The following TENT4B variants were observed in gnomAD, a reference collection of about 807,000 sequenced individuals.
TENT4B encodes the protein PAP associated domain containing 5.
Under a neutral mutation model 75.0 loss-of-function variants are expected in TENT4B, and 10 were observed. The observed-to-expected ratio is 0.13, with a 90% CI of 0.08 to 0.23. The LOEUF is 0.23. Ranked by LOEUF, TENT4B falls within the 10% of genes least tolerant of loss-of-function variation. The pLI, the probability that TENT4B is intolerant of heterozygous loss-of-function variation, is 1.00. For missense variants in TENT4B, 579 were observed against 893.8 expected (o/e 0.65, Z 4.49); for synonymous variants, 350 against 357.7 (o/e 0.98, Z 0.24).
chr16:50,214,164 A>G, intron 2 of TENT4B, 57 bp from the exon 3 acceptor site: 1 of 1,329,526 alleles, frequency 7.5e-7, no homozygotes, highest in Non-Finnish European at 1.1e-6. Flanking sequence ...TTGGTGACTC[A>G]ATATGATAAC....
At chr16:50,189,505 A>G (rs2038598876) in intron 1 of TENT4B, among the ~76,000 whole-genome samples, 1 of 152,186 alleles carries the variant, frequency 6.6e-6, no homozygotes, top group Non-Finnish European at 1.5e-5. Context: ...GCAAATGACT[A>G]AAACATGAAC....
chr16:50,214,373 G>T, intron 3 of TENT4B, 106 bp downstream of exon 3: 1 of 877,950 alleles, frequency 1.1e-6, no homozygotes. Flanking sequence ...AAACAAAATG[G>T]GGCTGGGCAT....
intron 10 of TENT4B, among the ~76,000 whole-genome samples, chr16:50,226,649 C>T (rs976101953): frequency 6.6e-6 from 1 of 152,082 alleles, no homozygotes; most frequent in Non-Finnish European, 1.5e-5. Flanking sequence ...ATCGCCTGAC[C>T]TCATGATCCG....
chr16:50,214,341 G>A lies in TENT4B; in HGVS notation c.809+74G>A, dbSNP rs563385129. The A allele has an allele frequency of 1.8e-5, 22 of 1,232,668 alleles. No individual in the cohort carries two copies. The South Asian group carries it at 2.8e-4, about 16-fold the overall frequency. 76.4% of individuals were successfully genotyped at this position (1,232,668 alleles called of 1,614,324 possible). On this transcript the variant is annotated intron_variant, in intron 3 of 11. Transcript: ENST00000561678. The stretch of plus-strand genomic sequence containing the variant: ...ATTTTGGCTGTCAAATTTGTAAGGA[G>A]TAGAAACAAAACAAATTTATAAAAC...
At position 50,233,463 on chromosome 16, in the gene TENT4B, G is replaced by C; in HGVS notation, c.*4135G>C. On this transcript the variant is annotated 3_prime_UTR_variant, in exon 12 of 12. Transcript: ENST00000561678. Reference sequence around the variant, plus strand: ...TGGAAGCCTTTTTCTCAGTCATCTTGTTCTAAGCCATCTTGACTTCACACC... The same window carrying C: ...TGGAAGCCTTTTTCTCAGTCATCTTCTTCTAAGCCATCTTGACTTCACACC... The C allele has an allele frequency of 2.6e-5, 26 of 984,802 alleles. No homozygotes were observed. The highest frequency in any genetic ancestry group is 3.1e-5 in the Non-Finnish European group (26 of 829,814). 61.0% of individuals were successfully genotyped at this position (984,802 alleles called of 1,614,324 possible).
intron 3 of TENT4B, 124 bp from the exon 4 acceptor site, chr16:50,215,951 A>G (rs950125212): frequency 1.8e-6 from 2 of 1,140,430 alleles, no homozygotes; most frequent in Non-Finnish European, 2.5e-6. Flanking sequence ...CAACACATTT[A>G]GTCTTCGTTG....
chr16:50,205,518 C>T (rs1362223673), intron 1 of TENT4B, among the ~76,000 whole-genome samples: 2 of 137,618 alleles, frequency 1.5e-5, no homozygotes, highest in African/African-American at 2.7e-5. Flanking sequence ...CAAATAGGAA[C>T]ATTTTGTGTG....
At chr16:50,162,492 T>C (rs776312911) in intron 1 of TENT4B, among the ~76,000 whole-genome samples, 7 of 152,214 alleles carry the variant, frequency 4.6e-5, no homozygotes, top group Non-Finnish European at 1.0e-4. Flanking sequence ...ACTTTTTTAT[T>C]TGAGCGGTTC....
At chr16:50,226,123 CTGAG>C (rs944751214) in intron 10 of TENT4B, among the ~76,000 whole-genome samples, 1 of 152,016 alleles carries the variant, frequency 6.6e-6, no homozygotes, top group Non-Finnish European at 1.5e-5. Context: ...CCTCAGCCTC[CTGAG>C]TATCTAGGAT....
chr16:50,176,494 C>CTT (rs34067223), intron 1 of TENT4B, among the ~76,000 whole-genome samples: 17 of 53,088 alleles, frequency 3.2e-4, no homozygotes, highest in East Asian at 7.4e-4. Context: ...ACCAATAATT[C>CTT]TTTTTTTTTT....
At position 50,182,347 on chromosome 16, in the gene TENT4B, A is replaced by G. The variant is rs1213499445; in HGVS notation, c.638+28088A>G. The stretch of plus-strand genomic sequence containing the variant: ...GTGCTTCATGTCAGTGTTAGAAACT[A>G]TAGGTTGTATATTTATTAATTTTTC... On this transcript the variant is annotated intron_variant, in intron 1 of 11. Transcript: ENST00000561678. Among the ~76,000 whole-genome samples the G allele has an allele frequency of 3.3e-5, 5 of 152,340 alleles. No homozygotes were observed. In the East Asian group the frequency reaches 5.8e-4, roughly 18 times the overall value.
chr16:50,216,114 A>G lies in TENT4B; in HGVS notation c.849A>G (p.Leu283=). The G allele has an allele frequency of 6.2e-7, 1 of 1,613,906 alleles. No individual in the cohort carries two copies. Among genetic ancestry groups the G allele is most frequent in the Non-Finnish European group, 8.5e-7 (1 of 1,179,846 alleles). Reference sequence around the variant, plus strand: ...TGGTGTTTGGGAAGTGGGAGAACCTACCCCTCTGGACTCTGGAAGAAGCTC... The same window carrying G: ...TGGTGTTTGGGAAGTGGGAGAACCTGCCCCTCTGGACTCTGGAAGAAGCTC... The part of the protein sequence containing the change: ...DLVVFGKWEN[L]PLWTLEEALR... The change falls in exon 4 of 12, where the codon CTA becomes CTG. Residue 283 remains leucine, a synonymous_variant. Transcript: ENST00000561678.
chr16:50,175,106 T>C (rs961830820), intron 1 of TENT4B, among the ~76,000 whole-genome samples: 6 of 152,184 alleles, frequency 3.9e-5, no homozygotes, highest in South Asian at 2.1e-4. Context: ...AGATCAACTT[T>C]TTTTTAGCTC....
chr16:50,191,694 C>T (rs1172313474), intron 1 of TENT4B, among the ~76,000 whole-genome samples: 4 of 152,086 alleles, frequency 2.6e-5, no homozygotes, highest in Non-Finnish European at 5.9e-5. Context: ...CCGAGGCGGG[C>T]AGATCACCTG....
Position 50,232,060 on chromosome 16 carries a change from G to A in TENT4B, c.*2732G>A. The A allele has an allele frequency of 1.0e-6, 1 of 985,312 alleles. No individual in the cohort carries two copies. The highest frequency in any genetic ancestry group is 1.2e-6 in the Non-Finnish European group (1 of 829,882). The allele number at this position is 985,312 out of a possible 1,614,324, so 61.0% of individuals were successfully genotyped here. A position where few individuals can be genotyped will look rare whatever the true frequency, so the allele number is the denominator to read the frequency against. ...ACATTTCTCAGGCAGTCATGTATGT[G>A]TACCTGGCCATTAGAAATATTAATA... On this transcript the variant is annotated 3_prime_UTR_variant, in exon 12 of 12. Coordinates refer to ENST00000561678, the MANE Select transcript of TENT4B (RefSeq NM_001365324.3).
In TENT4B at chr16:50,232,455, G is replaced by A. The variant is rs1205559039; in HGVS notation, c.*3127G>A. 1.3e-5 allele frequency: 13 copies of A among 985,282 alleles called. No individual in the cohort carries two copies. Among genetic ancestry groups the A allele is most frequent in the Non-Finnish European group, 1.4e-5 (12 of 829,924 alleles). The allele number at this position is 985,282 out of a possible 1,614,324, so 61.0% of individuals were successfully genotyped here. A position where few individuals can be genotyped will look rare whatever the true frequency, so the allele number is the denominator to read the frequency against. On this transcript the variant is annotated 3_prime_UTR_variant, in exon 12 of 12. Coordinates refer to ENST00000561678, the MANE Select transcript of TENT4B (RefSeq NM_001365324.3). ...TAGATCTGCACAGGGCAAAACATGG[G>A]CTATAGGGTGAGCATTTTTAATTGT...
In TENT4B at chr16:50,229,397, C is replaced by G. The variant is rs1230550292; in HGVS notation, c.*69C>G. ...TGCTCAGGACAGTTGCGCAGGGACT[C>G]CTGGGAGATATTCAGGAGCCTCACA... On this transcript the variant is annotated 3_prime_UTR_variant, in exon 12 of 12. Transcript: ENST00000561678. 4 of 1,515,424 alleles carry G rather than the reference C, an allele frequency of 2.6e-6. No individual in the cohort carries two copies. The African/African-American group carries it at 5.6e-5, about 21-fold the overall frequency. 93.9% of individuals were successfully genotyped at this position (1,515,424 alleles called of 1,614,324 possible).
chr16:50,169,599 G>C (rs9302749), intron 1 of TENT4B, among the ~76,000 whole-genome samples: 148,269 of 152,224 alleles, frequency 0.97, 72,209 homozygotes, highest in East Asian at 1. Context: ...AAAGGAGAAG[G>C]CTTTCCTCTT....
intron 1 of TENT4B, among the ~76,000 whole-genome samples, chr16:50,174,254 C>T (rs1288643707): frequency 6.6e-6 from 1 of 151,660 alleles, no homozygotes; most frequent in East Asian, 1.9e-4. Flanking sequence ...TGTGCCACTG[C>T]ACCTGGCTAA....
Sources: allele counts gnomAD v4.1 joint callset (sites outside exome capture counted in the v4.1 genomes callset), GRCh38; gene constraint gnomAD v4.1.1; transcripts MANE v1.5; gene names NCBI Gene and HGNC (gene_info 2026-07-23, HGNC 2026-07-21).